Variants in SLC26A4 observed in about 807,000 individuals in gnomAD.
The protein encoded by SLC26A4 is pendrin.
SLC26A4 carries 93 observed loss-of-function variants against 90.4 expected under a neutral mutation model. The observed-to-expected ratio is 1.03, with a 90% CI of 0.87 to 1.22. The LOEUF is 1.22. Ranked by LOEUF, SLC26A4 falls within the 50% of genes most tolerant of loss-of-function variation. The probability of loss-of-function intolerance (pLI) is 0.00; values close to 1 mark genes in which losing one functional copy is unlikely to be tolerated. For synonymous variants in SLC26A4, 393 were observed against 354.6 expected (o/e 1.11, Z -1.22); for missense variants, 1,127 against 946.2 (o/e 1.19, Z -2.51).
At chr7:107,701,453 ATACTT>A (rs1406251765) in intron 16 of SLC26A4, among the ~76,000 whole-genome samples, 3 of 152,224 alleles carry the variant, frequency 2.0e-5, no homozygotes, top group Non-Finnish European at 4.4e-5. Context: ...ATTATTTTCT[ATACTT>A]TATTTTTACT....
At chr7:107,690,287 T>C (rs764807342) in intron 10 of SLC26A4, 50 bp downstream of exon 10, 1 of 1,122,758 alleles carries the variant, frequency 8.9e-7, no homozygotes, top group African/African-American at 1.5e-5. Context: ...AGTCGAGGAA[T>C]GGCAACAGAG....
At chr7:107,688,680 T>G (rs1791483845) in intron 8 of SLC26A4, among the ~76,000 whole-genome samples, 1 of 152,202 alleles carries the variant, frequency 6.6e-6, no homozygotes, top group Non-Finnish European at 1.5e-5. Flanking sequence ...GGCTAGAATC[T>G]CTTTTAAATT....
chr7:107,678,671 G>A (rs548305553), intron 6 of SLC26A4, among the ~76,000 whole-genome samples: 50 of 151,940 alleles, frequency 3.3e-4, no homozygotes, highest in Admixed American at 2.0e-3. Flanking sequence ...CTCCTCACAG[G>A]CCACCCAAGT....
chr7:107,673,700 T>C (rs1389338315), intron 4 of SLC26A4, among the ~76,000 whole-genome samples: 1 of 152,102 alleles, frequency 6.6e-6, no homozygotes, highest in Non-Finnish European at 1.5e-5. Context: ...TTCTAGGTCA[T>C]GAATGCCTCG....
rs1792319344 is a variant in SLC26A4 at position 107,715,366 on chromosome 7, G to T, written c.2320-57G>T. ...AAAACATATTTATAAAAAAGATAAT[G>T]CAGACTTAAGGAGAATTCAGTTGTA... On this transcript the variant is annotated intron_variant, in intron 20 of 20. Coordinates refer to ENST00000644269, the MANE Select transcript of SLC26A4 (RefSeq NM_000441.2). 4 of 1,393,694 alleles carry T rather than the reference G, an allele frequency of 2.9e-6. No individual in the cohort carries two copies. The South Asian group carries it at 4.6e-5, about 16-fold the overall frequency. The allele number at this position is 1,393,694 out of a possible 1,614,324, so 86.3% of individuals were successfully genotyped here.
intron 16 of SLC26A4, 130 bp from the exon 17 acceptor site, chr7:107,701,697 C>A: frequency 1.4e-6 from 1 of 711,792 alleles, no homozygotes; most frequent in South Asian, 1.6e-5. Context: ...GAAACCCATC[C>A]TTAAAAATTC....
In SLC26A4 at chr7:107,683,542, G is replaced by A. The variant is rs780131226; in HGVS notation, c.1001+5G>A. 6.2e-7 allele frequency: 1 copy of A among 1,612,292 alleles called. No individual in the cohort carries two copies. Among genetic ancestry groups the A allele is most frequent in the Non-Finnish European group, 8.5e-7 (1 of 1,178,516 alleles). ...TGTTAAATCCATCCCAAGGGGGTGA[G>A]TGTGGTGTTCCTCTTAGTACTAATA... is the stretch of plus-strand genomic sequence containing the variant. On this transcript the variant is annotated splice_donor_5th_base_variant and intron_variant, in intron 8 of 20. Transcript: ENST00000644269.
At position 107,702,020 on chromosome 7, in the gene SLC26A4, C is replaced by A; in HGVS notation, c.1997C>A (p.Ser666Tyr). The change falls in exon 17 of 21, where the codon TCT becomes TAT. Residue 666 changes from serine to tyrosine, a missense_variant. Transcript: ENST00000644269. ...CTTGTGCTTGACTGTGGAGCTATATCTTTCCTGGACGTTGTTGGAGTGAGA... is the reference window on the plus strand; with the variant it reads ...CTTGTGCTTGACTGTGGAGCTATATATTTCCTGGACGTTGTTGGAGTGAGA... ...HSLVLDCGAI[S>Y]FLDVVGVRSL... The A allele has an allele frequency of 6.2e-7, 1 of 1,613,832 alleles. No individual in the cohort carries two copies. The highest frequency in any genetic ancestry group is 8.5e-7 in the Non-Finnish European group (1 of 1,179,766).
chr7:107,709,986 CTG>C, intron 18 of SLC26A4, 66 bp from the exon 19 acceptor site: 1 of 1,346,174 alleles, frequency 7.4e-7, no homozygotes, highest in Non-Finnish European at 1.1e-6. Context: ...GAATGAGACT[CTG>C]TCTCAAAAAC....
chr7:107,686,159 T>C (rs1301473785), intron 8 of SLC26A4, among the ~76,000 whole-genome samples: 1 of 151,860 alleles, frequency 6.6e-6, no homozygotes, highest in Non-Finnish European at 1.5e-5. Context: ...CTCTGTCCTC[T>C]AAATTTTAAT....
At chr7:107,709,699 C>T (rs1220798559) in intron 18 of SLC26A4, among the ~76,000 whole-genome samples, 1 of 152,092 alleles carries the variant, frequency 6.6e-6, no homozygotes, top group African/African-American at 2.4e-5. Context: ...TTGACTACGA[C>T]CAGTTATGGG....
rs1791160417 is a variant in SLC26A4, at chr7:107,680,029, A to C, written c.766-3173A>C. 3.0e-5 allele frequency among the ~76,000 whole-genome samples: 4 copies of C among 132,734 alleles called. No individual in the cohort carries two copies. In the South Asian group the frequency reaches 9.1e-4, roughly 30 times the overall value. The allele number at this position is 132,734 out of a possible 152,430, so 87.1% of individuals were successfully genotyped here. A position where few individuals can be genotyped will look rare whatever the true frequency, so the allele number is the denominator to read the frequency against. Reference sequence around the variant, plus strand: ...TTATTATATAATATAATCTTATTATATAATATAATCTTATCTTATTATATA... The same window carrying C: ...TTATTATATAATATAATCTTATTATCTAATATAATCTTATCTTATTATATA... On this transcript the variant is annotated intron_variant, in intron 6 of 20. Transcript: ENST00000644269.
chr7:107,698,812 C>G (rs533546647), intron 14 of SLC26A4, among the ~76,000 whole-genome samples: 1 of 151,888 alleles, frequency 6.6e-6, no homozygotes, highest in Non-Finnish European at 1.5e-5. Flanking sequence ...TTTGCTTTAT[C>G]CTTGGTATTA....
intron 19 of SLC26A4, among the ~76,000 whole-genome samples, chr7:107,711,542 A>G (rs1047497986): frequency 4.6e-5 from 7 of 152,156 alleles, no homozygotes; most frequent in African/African-American, 1.7e-4. Context: ...GAATGCTTGT[A>G]TTACATACTT....
chr7:107,675,119 G>GC lies in SLC26A4; in HGVS notation c.765+11dup. The GC allele has an allele frequency of 6.2e-7, 1 of 1,612,644 alleles. No homozygotes were observed. Among genetic ancestry groups the GC allele is most frequent in the Non-Finnish European group, 8.5e-7 (1 of 1,179,078 alleles). ...TCTCTCTATTATCTATGTAAGTGTT[G>GC]CTTCTTGCTCCAGGGATGGGTCACT... On this transcript the variant is annotated intron_variant, in intron 6 of 20. Coordinates refer to ENST00000644269, the MANE Select transcript of SLC26A4 (RefSeq NM_000441.2).
Position 107,683,251 on chromosome 7 carries a change from T to A in SLC26A4, c.815T>A (p.Phe272Tyr). ...ATTGGTGATACCAATCTTGCTGATTTCACTGCTGGATTGCTCACCATTGTC... is the reference window on the plus strand; with the variant it reads ...ATTGGTGATACCAATCTTGCTGATTACACTGCTGGATTGCTCACCATTGTC... ...QNIGDTNLAD[F>Y]TAGLLTIVVC... Residue 272 changes from phenylalanine (F) to tyrosine (Y), a missense_variant, in exon 7 of 21, where the codon TTC (phenylalanine) becomes TAC (tyrosine). By Grantham distance (22) the Phe-to-Tyr change is conservative (BLOSUM62 3). Coordinates refer to ENST00000644269, the MANE Select transcript of SLC26A4 (RefSeq NM_000441.2). 6.2e-7 allele frequency: 1 copy of A among 1,613,160 alleles called. No individual in the cohort carries two copies. The highest frequency in any genetic ancestry group is 8.5e-7 in the Non-Finnish European group (1 of 1,179,770).
At chr7:107,670,092 T>C (rs1297667854) in intron 3 of SLC26A4, among the ~76,000 whole-genome samples, 1 of 149,074 alleles carries the variant, frequency 6.7e-6, no homozygotes, top group African/African-American at 2.5e-5. Flanking sequence ...TACTTCATAT[T>C]TTATTCAAAA....
intron 11 of SLC26A4, 46 bp from the exon 12 acceptor site, chr7:107,694,575 A>G: frequency 6.4e-7 from 1 of 1,561,564 alleles, no homozygotes; most frequent in Non-Finnish European, 8.8e-7. Flanking sequence ...CATCACATGG[A>G]AAACCATTCC....
chr7:107,693,245 T>A (rs962530031), intron 10 of SLC26A4: 1 of 957,398 alleles, frequency 1.0e-6, no homozygotes, highest in Non-Finnish European at 1.2e-6. Flanking sequence ...AGCACCAGGG[T>A]ACTGGGAATC....
Sources: gnomAD v4.1 joint callset for allele counts (sites outside exome capture counted in the v4.1 genomes callset) on GRCh38, gnomAD v4.1.1 for gene constraint, MANE v1.5 for transcripts, NCBI Gene and HGNC (gene_info 2026-07-23, HGNC 2026-07-21) for gene names.